The following INPP4B variants were observed in gnomAD, a reference collection of about 807,000 sequenced individuals.
INPP4B encodes the protein inositol polyphosphate 4-phosphatase type II.
In INPP4B, 55 loss-of-function variants were observed where a neutral mutation model predicts 122.5. The ratio of observed to expected loss-of-function variants is 0.45; its 90% CI spans 0.36 to 0.56. INPP4B has a LOEUF of 0.56. Among genes scored for constraint, INPP4B ranks in the 20% least tolerant of loss-of-function variants. The pLI is 0.00. For synonymous variants in INPP4B, 403 were observed against 388.7 expected, an observed-to-expected ratio of 1.04 and a Z score of -0.43; for missense variants, 1,000 against 1,097.7, an observed-to-expected ratio of 0.91 and a Z score of 1.26.
intron 2 of INPP4B, among the ~76,000 whole-genome samples, chr4:142,629,315 G>A (rs1177978887): frequency 1.3e-5 from 2 of 152,030 alleles, no homozygotes; most frequent in Admixed American, 6.6e-5. Context: ...TTTAGGTGTG[G>A]CAAACTGTAA....
intron 1 of INPP4B, among the ~76,000 whole-genome samples, chr4:142,797,117 T>C (rs1020848147): frequency 3.3e-5 from 5 of 151,988 alleles, no homozygotes; most frequent in Non-Finnish European, 7.4e-5. Context: ...GAGCTTACTA[T>C]GTGCCATGCT....
intron 2 of INPP4B, chr4:142,519,081 T>C (rs1560748937): frequency 6.6e-6 from 1 of 152,198 alleles, no homozygotes; most frequent in Non-Finnish European, 1.5e-5. Flanking sequence ...TATGTGTATA[T>C]ATCCTTTCTG....
chr4:142,336,524 G>A (rs1776646486), intron 7 of INPP4B, among the ~76,000 whole-genome samples: 1 of 152,232 alleles, frequency 6.6e-6, no homozygotes. Context: ...GCTGTAACAT[G>A]AACAAGCTGT....
intron 23 of INPP4B, among the ~76,000 whole-genome samples, chr4:142,095,816 T>C (rs566743496): frequency 1.7e-4 from 26 of 152,214 alleles, no homozygotes; most frequent in Non-Finnish European, 3.5e-4. Flanking sequence ...ACTAGATTGT[T>C]GTTTGTTTCT....
At chr4:142,616,381 A>T (rs367738004) in intron 2 of INPP4B, among the ~76,000 whole-genome samples, 43 of 152,296 alleles carry the variant, frequency 2.8e-4, no homozygotes, top group African/African-American at 9.6e-4. Context: ...TGTAAAGAGG[A>T]TCAGAGAGAG....
At chr4:142,491,154 T>C (rs967778847) in intron 2 of INPP4B, among the ~76,000 whole-genome samples, 2 of 152,162 alleles carry the variant, frequency 1.3e-5, no homozygotes, top group Non-Finnish European at 2.9e-5. Context: ...TTCTCTACAA[T>C]GGCTGTGTTA....
intron 17 of INPP4B, among the ~76,000 whole-genome samples, chr4:142,151,009 A>C (rs936081320): frequency 5.9e-5 from 9 of 152,144 alleles, no homozygotes; most frequent in Non-Finnish European, 1.0e-4. Context: ...GTCATTATCA[A>C]TTTCTGAGGA....
At chr4:142,338,773 T>C (rs1330742957) in intron 7 of INPP4B, among the ~76,000 whole-genome samples, 1 of 152,190 alleles carries the variant, frequency 6.6e-6, no homozygotes, top group Non-Finnish European at 1.5e-5. Context: ...CATATTGGAA[T>C]TGGTGCCAAA....
chr4:142,762,606 T>A (rs1178080354), intron 1 of INPP4B, among the ~76,000 whole-genome samples: 1 of 152,138 alleles, frequency 6.6e-6, no homozygotes, highest in Non-Finnish European at 1.5e-5. Context: ...TTAGTTTAGA[T>A]CTAACCCATT....
intron 2 of INPP4B, among the ~76,000 whole-genome samples, chr4:142,647,366 A>T (rs1752001683): frequency 6.6e-6 from 1 of 152,188 alleles, no homozygotes; most frequent in Non-Finnish European, 1.5e-5. Flanking sequence ...CAAGGATTGA[A>T]ACCTGCGCAT....
chr4:142,186,649 T>TA (rs1418630017), intron 15 of INPP4B, among the ~76,000 whole-genome samples: 1 of 152,314 alleles, frequency 6.6e-6, no homozygotes, highest in African/African-American at 2.4e-5. Context: ...CTAGAACAGG[T>TA]AGGATTTCAA....
At chr4:142,603,957 C>T (rs1740651720) in intron 2 of INPP4B, among the ~76,000 whole-genome samples, 1 of 151,646 alleles carries the variant, frequency 6.6e-6, no homozygotes, top group Non-Finnish European at 1.5e-5. Context: ...CCCTGCTGAA[C>T]ATAGGTGCAA....
intron 25 of INPP4B, among the ~76,000 whole-genome samples, chr4:142,077,851 C>T (rs1358126927): frequency 7.2e-5 from 11 of 151,896 alleles, no homozygotes; most frequent in South Asian, 2.1e-4. Flanking sequence ...AAATCAATTA[C>T]GGATTTAAAT....
At chr4:142,111,974 C>T (rs1790389768) in intron 22 of INPP4B, among the ~76,000 whole-genome samples, 1 of 151,932 alleles carries the variant, frequency 6.6e-6, no homozygotes, top group Admixed American at 6.6e-5. Flanking sequence ...GAACTCCTGA[C>T]CTCAGGTGAT....
intron 9 of INPP4B, among the ~76,000 whole-genome samples, chr4:142,301,481 T>C (rs2151128526): frequency 6.6e-6 from 1 of 152,296 alleles, no homozygotes; most frequent in Admixed American, 6.5e-5. Flanking sequence ...AACTGAGTTC[T>C]AATCCCACTT....
chr4:142,381,970 G>C (rs1794258496), intron 7 of INPP4B, among the ~76,000 whole-genome samples: 1 of 151,852 alleles, frequency 6.6e-6, no homozygotes, highest in Admixed American at 6.6e-5. Context: ...GCCTGATCAG[G>C]TAAGTCTTAC....
intron 25 of INPP4B, among the ~76,000 whole-genome samples, chr4:142,058,612 A>G (rs997212266): frequency 1.3e-5 from 2 of 152,138 alleles, no homozygotes; most frequent in African/African-American, 4.8e-5. Flanking sequence ...CACTTATGAA[A>G]TACTCAGAAA....
chr4:142,255,643 A>G (rs576679613), intron 11 of INPP4B, among the ~76,000 whole-genome samples: 258 of 152,362 alleles, frequency 1.7e-3, no homozygotes, highest in Non-Finnish European at 3.0e-3. Flanking sequence ...CAATTCATCA[A>G]GAAGAGCTAA....
At chr4:142,329,389 G>C in intron 7 of INPP4B, among the ~76,000 whole-genome samples, 1 of 113,948 alleles carries the variant, frequency 8.8e-6, no homozygotes, top group South Asian at 2.9e-4. Flanking sequence ...AAAGGGGAAA[G>C]AAGTGAAAGT....
Sources: allele counts gnomAD v4.1 joint callset (sites outside exome capture counted in the v4.1 genomes callset), GRCh38; gene constraint gnomAD v4.1.1; transcripts MANE v1.5; gene names NCBI Gene and HGNC (gene_info 2026-07-23, HGNC 2026-07-21).